Variants in STON2 observed in about 807,000 individuals in gnomAD.
The protein encoded by STON2 is stonin 2.
Under a neutral mutation model 65.7 loss-of-function variants are expected in STON2, and 29 were observed. The observed-to-expected ratio is 0.44, with a 90% CI of 0.33 to 0.60. The LOEUF is 0.60. Among genes scored for constraint, STON2 ranks in the 20% least tolerant of loss-of-function variants. The pLI is 0.03. For missense variants in STON2, 1,054 were observed against 1,118.1 expected, an observed-to-expected ratio of 0.94 and a Z score of 0.82; for synonymous variants, 404 against 414.2, an observed-to-expected ratio of 0.98 and a Z score of 0.30.
Position 81,265,376 on chromosome 14 carries a change from C to T in STON2, c.*3038G>A. On this transcript the variant is annotated 3_prime_UTR_variant, in exon 8 of 8. Transcript: ENST00000614646. ...TAAAAATTAATAATAATTTGTGGGT[C>T]CAGCATGGTGGCTCACGCCTGTAAT... 2.0e-6 allele frequency: 2 copies of T among 982,466 alleles called. No homozygotes were observed. The highest frequency in any genetic ancestry group is 2.4e-6 in the Non-Finnish European group (2 of 827,390). 60.9% of individuals were successfully genotyped at this position (982,466 alleles called of 1,614,324 possible).
At position 81,263,939 on chromosome 14, in the gene STON2, A is replaced by C. The variant is rs890619588; in HGVS notation, c.*4475T>G. On this transcript the variant is annotated 3_prime_UTR_variant, in exon 8 of 8. Transcript: ENST00000614646. ...TTATCTCACAAATTTTGACCTTACTATCTCAGACCTCCATCTTACTGTGGT... is the reference window on the plus strand; with the variant it reads ...TTATCTCACAAATTTTGACCTTACTCTCTCAGACCTCCATCTTACTGTGGT... 24 of 985,308 alleles carry C rather than the reference A, an allele frequency of 2.4e-5. No individual in the cohort carries two copies. Among genetic ancestry groups the C allele is most frequent in the Non-Finnish European group, 2.9e-5 (24 of 829,938 alleles). 61.0% of individuals were successfully genotyped at this position (985,308 alleles called of 1,614,324 possible).
intron 4 of STON2, among the ~76,000 whole-genome samples, chr14:81,367,151 T>A (rs187548076): frequency 6.6e-6 from 1 of 151,880 alleles, no homozygotes; most frequent in East Asian, 1.9e-4. Context: ...CTTGAAGCTC[T>A]CGATAGCTCA....
At chr14:81,378,718 TC>T (rs1480548369) in intron 3 of STON2, among the ~76,000 whole-genome samples, 2 of 152,220 alleles carry the variant, frequency 1.3e-5, no homozygotes, top group African/African-American at 4.8e-5. Context: ...TTTGCCCTAC[TC>T]AAGAACTATT....
At position 81,278,623 on chromosome 14, in the gene STON2, GA is replaced by G; in HGVS notation, c.858del (p.Ser288AlafsTer21). Reference protein sequence around the residue: ...HPAPPVTSARFPSWVTFDDNE... With the variant: ...HPAPPVTSARXPSWVTFDDNE... ...TTGTCATCAAAGGTGACCCAGCTGGGAAAACGAGCAGAGGTCACTGGAGGGG... is the reference window on the plus strand; with the variant it reads ...TTGTCATCAAAGGTGACCCAGCTGGGAAACGAGCAGAGGTCACTGGAGGGG... On this transcript the variant is annotated frameshift_variant, in exon 6 of 8. Coordinates refer to ENST00000614646, the MANE Select transcript of STON2 (RefSeq NM_001394390.1). LOFTEE classifies it high-confidence loss of function. 6.3e-7 allele frequency: 1 copy of G among 1,587,284 alleles called. No homozygotes were observed. Among genetic ancestry groups the G allele is most frequent in the Non-Finnish European group, 8.6e-7 (1 of 1,165,072 alleles).
intron 4 of STON2, among the ~76,000 whole-genome samples, chr14:81,359,936 C>G (rs1898414953): frequency 1.3e-5 from 2 of 152,172 alleles, no homozygotes. Flanking sequence ...CTGCTGAAGT[C>G]TGCCATTAGC....
At chr14:81,376,346 GTCTT>G (rs1466289661) in intron 3 of STON2, among the ~76,000 whole-genome samples, 2 of 151,924 alleles carry the variant, frequency 1.3e-5, no homozygotes, top group Non-Finnish European at 2.9e-5. Context: ...AATAATAAAT[GTCTT>G]TATACCAATA....
rs769669084 is a variant in STON2 at position 81,371,184 on chromosome 14, G to A, written c.375C>T (p.Ala125=). The A allele has an allele frequency of 7.4e-6, 12 of 1,613,464 alleles. No homozygotes were observed. The South Asian group carries it at 1.3e-4, about 18-fold the overall frequency. ...SPPHQETAET[A]LPLTMPCWTC... ...TCCAGCAGGGCATGGTCAATGGTAG[G>A]GCTGGGGAGAGACCAAAAACCAAAA... The change falls in exon 4 of 8, where the codon GCC becomes GCT. Residue 125 remains alanine, a splice_region_variant and synonymous_variant. Coordinates refer to ENST00000614646, the MANE Select transcript of STON2 (RefSeq NM_001394390.1).
intron 3 of STON2, among the ~76,000 whole-genome samples, chr14:81,375,790 C>T (rs1899225305): frequency 6.6e-6 from 1 of 151,306 alleles, no homozygotes; most frequent in African/African-American, 2.4e-5. Context: ...CATCACTTGA[C>T]ATGAAGCAAG....
chr14:81,358,472 GAAGA>G (rs1326737409), intron 4 of STON2, among the ~76,000 whole-genome samples: 3 of 152,108 alleles, frequency 2.0e-5, no homozygotes, highest in African/African-American at 7.2e-5. Flanking sequence ...AATGAAGTCA[GAAGA>G]AAGGAAGGAA....
chr14:81,272,197 G>A (rs367687045), intron 6 of STON2, among the ~76,000 whole-genome samples: 41 of 152,274 alleles, frequency 2.7e-4, no homozygotes, highest in African/African-American at 8.9e-4. Context: ...ACTCCAGCAC[G>A]GGTGACAGTG....
At chr14:81,405,811 A>T (rs1900831588) in intron 2 of STON2, among the ~76,000 whole-genome samples, 1 of 152,170 alleles carries the variant, frequency 6.6e-6, no homozygotes, top group South Asian at 2.1e-4. Context: ...TGAAGGATGC[A>T]AAGTATTGTT....
intron 2 of STON2, among the ~76,000 whole-genome samples, chr14:81,415,668 C>CAAAAAA (rs35270491): frequency 6.5e-5 from 5 of 77,262 alleles, no homozygotes; most frequent in Admixed American, 3.2e-4. Context: ...GACTCCATCG[C>CAAAAAA]AAAAAAAAAA....
chr14:81,268,214 T>G lies in STON2; in HGVS notation c.*200A>C, dbSNP rs1595263992. 1.7e-6 allele frequency: 2 copies of G among 1,152,870 alleles called. No homozygotes were observed. Among genetic ancestry groups the G allele is most frequent in the East Asian group, 1.3e-4 (2 of 15,236 alleles). The allele number at this position is 1,152,870 out of a possible 1,614,324, so 71.4% of individuals were successfully genotyped here. On this transcript the variant is annotated 3_prime_UTR_variant, in exon 8 of 8. Transcript: ENST00000614646. ...GGCATGACCAGAATCAAAGAGCCTC[T>G]CCAAAAGCCACCATTCTCAGGGTTT...
chr14:81,270,791 A>C lies in STON2; in HGVS notation c.2663T>G (p.Val888Gly). The C allele has an allele frequency of 6.2e-7, 1 of 1,614,130 alleles. No individual in the cohort carries two copies. The highest frequency in any genetic ancestry group is 8.5e-7 in the Non-Finnish European group (1 of 1,180,028). ...REVPSRFANH[V>G]NVEFSMPTTS... ...TGTGGGCATGCTGAACTCGACATTC[A>C]CGTGATTGGCAAATCTGGAAGGCAC... Residue 888 changes from valine to glycine, a missense_variant, in exon 7 of 8, where the codon GTG (valine) becomes GGG (glycine). Coordinates refer to ENST00000614646, the MANE Select transcript of STON2 (RefSeq NM_001394390.1).
intron 2 of STON2, among the ~76,000 whole-genome samples, chr14:81,396,594 T>C (rs1233479971): frequency 6.6e-6 from 1 of 152,126 alleles, no homozygotes; most frequent in African/African-American, 2.4e-5. Context: ...ACATTCAAAT[T>C]CAAATTTCAA....
At chr14:81,337,231 T>G (rs1306497872) in intron 4 of STON2, among the ~76,000 whole-genome samples, 1 of 152,160 alleles carries the variant, frequency 6.6e-6, no homozygotes, top group African/African-American at 2.4e-5. Flanking sequence ...GGGTAACATG[T>G]TGGAAGTGAT....
At chr14:81,303,242 G>C (rs1196074808) in intron 5 of STON2, among the ~76,000 whole-genome samples, 3 of 152,268 alleles carry the variant, frequency 2.0e-5, no homozygotes, top group Non-Finnish European at 4.4e-5. Context: ...TGAAGGGCAA[G>C]CCTTCAATGT....
chr14:81,352,648 G>T (rs999799719), intron 4 of STON2, among the ~76,000 whole-genome samples: 1 of 152,158 alleles, frequency 6.6e-6, no homozygotes, highest in Non-Finnish European at 1.5e-5. Flanking sequence ...CTTAACTAAC[G>T]TGTGACTCTG....
chr14:81,308,841 TATATATATATAC>T lies in STON2; in HGVS notation c.742+15164_742+15175del, dbSNP rs1305387090. 3.2e-3 allele frequency among the ~76,000 whole-genome samples: 38 copies of T among 12,052 alleles called. 1 individual carries two copies. The highest frequency in any genetic ancestry group is 0.01 in the African/African-American group (33 of 3,274). 7.9% of individuals were successfully genotyped at this position (12,052 alleles called of 152,430 possible). On this transcript the variant is annotated intron_variant, in intron 5 of 7. Transcript: ENST00000614646. ...ATATATATATGTGTGTGTGTGTATATATATATATATACACATACATACATACATACATACATA... is the reference window on the plus strand; with the variant it reads ...ATATATATATGTGTGTGTGTGTATATACATACATACATACATACATACATA...
Sources: allele counts gnomAD v4.1 joint callset (sites outside exome capture counted in the v4.1 genomes callset), GRCh38; gene constraint gnomAD v4.1.1; transcripts MANE v1.5; gene names NCBI Gene and HGNC (gene_info 2026-07-23, HGNC 2026-07-21).